ZNF827: variants seen among roughly 807,000 people sequenced by gnomAD.
The protein encoded by ZNF827 is zinc finger protein 827.
ZNF827 carries 13 observed loss-of-function variants against 102.4 expected under a neutral mutation model. That is an observed-to-expected ratio of 0.13 (90% confidence interval 0.08 to 0.20). ZNF827 has a LOEUF of 0.20. Among genes scored for constraint, ZNF827 ranks in the 10% least tolerant of loss-of-function variants. The pLI is 1.00. For missense variants in ZNF827, 1,103 were observed against 1,344.4 expected (o/e 0.82, Z 2.81); for synonymous variants, 523 against 536.2 (o/e 0.98, Z 0.34).
chr4:145,904,499 C>T (rs1329341767), intron 1 of ZNF827, among the ~76,000 whole-genome samples: 1 of 152,176 alleles, frequency 6.6e-6, no homozygotes, highest in Admixed American at 6.5e-5. Context: ...GAAGTGGTGG[C>T]ATTTCAGCAA....
Position 145,902,261 on chromosome 4 carries a change from G to A in ZNF827, c.998C>T (p.Pro333Leu), listed in dbSNP as rs759748128. 5.6e-5 allele frequency: 90 copies of A among 1,594,546 alleles called. No individual in the cohort carries two copies. Among genetic ancestry groups the A allele is most frequent in the South Asian group, 2.8e-4 (24 of 86,688 alleles). ...KPEKVTPPPP[P>L]PPPPPPPPPP... ...TGGTGGTGGAGGTGGTGGAGGTGGC[G>A]GTGGAGGTGGCGGAGTGACTTTTTC... Residue 333 changes from proline to leucine, a missense_variant, in exon 2 of 15, where the codon CCG (proline) becomes CTG (leucine). Physicochemically the swap from Pro to Leu is moderately conservative, Grantham distance 98. Around this residue, in one of 5 missense-constraint regions of ZNF827, gnomAD observed 441 missense variants for 458.6 expected, o/e 0.96. Transcript: ENST00000508784. The surrounding 1 kb of genome is among the most constrained non-coding windows in gnomAD (Gnocchi z 4.3).
Position 145,823,434 on chromosome 4 carries a change from T to G in ZNF827, c.2371A>C (p.Ile791Leu). ...LPSDSVLHGR[I>L]SAPETEKIVL... ...AATGTTTCCATACCTGGAGCTGATA[T>G]TCTTCCGTGCAGCACGGAGTCACTG... Residue 791 changes from isoleucine (I) to leucine (L), a missense_variant, in exon 8 of 15, where the codon ATA (isoleucine) becomes CTA (leucine). Physicochemically the swap from Ile to Leu is conservative, Grantham distance 5 (BLOSUM62 2). Coordinates refer to ENST00000508784, the MANE Select transcript of ZNF827 (RefSeq NM_001306215.2). The G allele has an allele frequency of 6.2e-7, 1 of 1,613,862 alleles. No individual in the cohort carries two copies. The highest frequency in any genetic ancestry group is 1.1e-5 in the South Asian group (1 of 91,046).
chr4:145,873,238 CA>C (rs1748864831), intron 4 of ZNF827, among the ~76,000 whole-genome samples: 1 of 152,140 alleles, frequency 6.6e-6, no homozygotes, highest in African/African-American at 2.4e-5. Context: ...CCTGGCCCAA[CA>C]ATTTTTGTTT....
intron 1 of ZNF827, among the ~76,000 whole-genome samples, chr4:145,910,723 TTACC>T (rs1752222043): frequency 6.6e-6 from 1 of 152,206 alleles, no homozygotes; most frequent in Non-Finnish European, 1.5e-5. Context: ...TACAAAACTC[TTACC>T]TGAACCTCAA....
intron 5 of ZNF827, among the ~76,000 whole-genome samples, chr4:145,860,348 C>T (rs764556861): frequency 1.2e-4 from 18 of 152,094 alleles, no homozygotes; most frequent in Non-Finnish European, 1.8e-4. Flanking sequence ...CCCATAAACG[C>T]CCTCTACCTC....
At chr4:145,916,525 T>C (rs951528394) in intron 1 of ZNF827, among the ~76,000 whole-genome samples, 16 of 152,174 alleles carry the variant, frequency 1.1e-4, no homozygotes, top group Non-Finnish European at 1.8e-4. Flanking sequence ...AGGGGAGCAC[T>C]GGTGATTTCC....
chr4:145,922,001 C>A (rs532036876), intron 1 of ZNF827, among the ~76,000 whole-genome samples: 1 of 152,242 alleles, frequency 6.6e-6, no homozygotes, highest in East Asian at 1.9e-4. Context: ...TAGTCTAAAC[C>A]AACAGATATA....
chr4:145,881,678 C>A (rs1226178735), intron 4 of ZNF827, among the ~76,000 whole-genome samples: 2 of 152,134 alleles, frequency 1.3e-5, no homozygotes, highest in African/African-American at 4.8e-5. Context: ...GAGAAACTCC[C>A]CTGTCAGGAG....
At chr4:145,788,434 G>T (rs915036387) in intron 8 of ZNF827, among the ~76,000 whole-genome samples, 2 of 152,136 alleles carry the variant, frequency 1.3e-5, no homozygotes, top group African/African-American at 2.4e-5. Flanking sequence ...GCCAATTGAT[G>T]GCTGCCATTA....
intron 1 of ZNF827, among the ~76,000 whole-genome samples, chr4:145,934,581 T>A (rs748462183): frequency 1.3e-5 from 2 of 152,200 alleles, no homozygotes; most frequent in Non-Finnish European, 2.9e-5. Context: ...TGCCAGGGGC[T>A]GAGGCTCACC....
intron 6 of ZNF827, among the ~76,000 whole-genome samples, chr4:145,847,751 T>G (rs1374379609): frequency 1.3e-5 from 2 of 152,218 alleles, no homozygotes; most frequent in African/African-American, 2.4e-5. Context: ...TATAAGAGTT[T>G]CAGATTTAAA....
chr4:145,839,670 C>T (rs576450160), intron 7 of ZNF827: 4 of 152,252 alleles, frequency 2.6e-5, no homozygotes, highest in African/African-American at 9.6e-5. Context: ...AGAACAGCAT[C>T]TAAGCCTCAC....
chr4:145,821,640 G>A (rs575140423), intron 8 of ZNF827, among the ~76,000 whole-genome samples: 241 of 152,132 alleles, frequency 1.6e-3, no homozygotes, highest in African/African-American at 5.3e-3. Flanking sequence ...CCTAAAGAAA[G>A]GTTTTGGTGA....
intron 1 of ZNF827, among the ~76,000 whole-genome samples, chr4:145,905,823 G>T (rs1381752700): frequency 6.6e-6 from 1 of 152,178 alleles, no homozygotes; most frequent in Non-Finnish European, 1.5e-5. Flanking sequence ...TTGAATATCT[G>T]CTCAAATAAT....
chr4:145,934,650 C>A (rs1249576788), intron 1 of ZNF827, among the ~76,000 whole-genome samples: 1 of 152,190 alleles, frequency 6.6e-6, no homozygotes, highest in African/African-American at 2.4e-5. Context: ...CTAATCCACT[C>A]CAGGGTGGAA....
chr4:145,814,234 G>C (rs1286296733), intron 8 of ZNF827, among the ~76,000 whole-genome samples: 1 of 152,154 alleles, frequency 6.6e-6, no homozygotes, highest in African/African-American at 2.4e-5. Flanking sequence ...AAACACTTTG[G>C]ATAAGGGATA....
At chr4:145,911,756 T>C (rs1752314738) in intron 1 of ZNF827, among the ~76,000 whole-genome samples, 1 of 152,184 alleles carries the variant, frequency 6.6e-6, no homozygotes, top group South Asian at 2.1e-4. Flanking sequence ...TGAGCTCAGA[T>C]GTCCCAATAC....
intron 8 of ZNF827, among the ~76,000 whole-genome samples, chr4:145,780,339 A>G (rs1387502245): frequency 2.0e-5 from 3 of 152,230 alleles, no homozygotes; most frequent in Non-Finnish European, 2.9e-5. Flanking sequence ...AGTTTGTGCA[A>G]AATCCTTAAT....
At position 145,763,022 on chromosome 4, in the gene ZNF827, C is replaced by G; in HGVS notation, c.*17+68G>C. ...ACCTCAGCTCACAGAAGAGTGCACACGAGAGAAATATAAAGCCCATTCCCA... is the reference window on the plus strand; with the variant it reads ...ACCTCAGCTCACAGAAGAGTGCACAGGAGAGAAATATAAAGCCCATTCCCA... On this transcript the variant is annotated intron_variant, in intron 14 of 14. Transcript: ENST00000508784. This position sits in a 1 kb window ranked among gnomAD's most constrained non-coding sequence, Gnocchi z 4.6. 7.0e-7 allele frequency: 1 copy of G among 1,428,310 alleles called. No individual in the cohort carries two copies. The highest frequency in any genetic ancestry group is 9.5e-7 in the Non-Finnish European group (1 of 1,056,092). The allele number at this position is 1,428,310 out of a possible 1,614,324, so 88.5% of individuals were successfully genotyped here. A position where few individuals can be genotyped will look rare whatever the true frequency, so the allele number is the denominator to read the frequency against.
Sources: allele counts gnomAD v4.1 joint callset (sites outside exome capture counted in the v4.1 genomes callset), GRCh38; gene constraint gnomAD v4.1.1; regional missense constraint gnomAD v4.1.1; non-coding constraint Gnocchi (gnomAD v3.1); transcripts MANE v1.5; gene names NCBI Gene and HGNC (gene_info 2026-07-23, HGNC 2026-07-21).